LDAH: variants seen among roughly 807,000 people sequenced by gnomAD.
The protein encoded by LDAH is lipid droplet-associated hydrolase.
In LDAH, 26 loss-of-function variants were observed where a neutral mutation model predicts 29.6. The observed-to-expected ratio is 0.88, with a 90% CI of 0.64 to 1.22. LDAH has a LOEUF of 1.22. LDAH is among the 50% of genes most tolerant of loss of function. The probability of loss-of-function intolerance (pLI) is 0.00; values close to 1 mark genes in which losing one functional copy is unlikely to be tolerated. For missense variants in LDAH, 344 were observed against 387.3 expected (o/e 0.89, Z 0.94); for synonymous variants, 117 against 133.0 (o/e 0.88, Z 0.83).
chr2:20,707,989 TC>T (rs1664436339), intron 5 of LDAH, among the ~76,000 whole-genome samples: 1 of 152,180 alleles, frequency 6.6e-6, no homozygotes, highest in Non-Finnish European at 1.5e-5. Flanking sequence ...CTTATGATAA[TC>T]TAATGCCTGA....
rs1039978830 is a variant in LDAH at position 20,807,139 on chromosome 2, A to T, written c.-2-5674T>A. On this transcript the variant is annotated intron_variant, in intron 1 of 6. Transcript: ENST00000237822. ...AAAAATAATAAACAAATATGAAGAA[A>T]TGTATGCCAATAAACTTGACATGGG... Among the ~76,000 whole-genome samples, 3 of 152,082 alleles carry T rather than the reference A, an allele frequency of 2.0e-5. No homozygotes were observed. In the East Asian group the frequency reaches 5.8e-4, roughly 29 times the overall value.
intron 5 of LDAH, among the ~76,000 whole-genome samples, chr2:20,737,993 C>A (rs1666911409): frequency 6.6e-6 from 1 of 152,004 alleles, no homozygotes; most frequent in African/African-American, 2.4e-5. Flanking sequence ...GTGGCGCATG[C>A]CTGTAATCCC....
At chr2:20,743,311 CT>C (rs56001378) in intron 4 of LDAH, among the ~76,000 whole-genome samples, 10,300 of 135,960 alleles carry the variant, frequency 0.076, 379 homozygotes, top group East Asian at 0.14. Flanking sequence ...TCCAAGTCCA[CT>C]TTTTTTTTTT....
chr2:20,794,066 G>A (rs1483188751), intron 2 of LDAH, among the ~76,000 whole-genome samples: 1 of 147,182 alleles, frequency 6.8e-6, no homozygotes, highest in African/African-American at 2.7e-5. Flanking sequence ...AGGTTTCATG[G>A]ACTCACAGTT....
intron 5 of LDAH, among the ~76,000 whole-genome samples, chr2:20,714,142 C>A (rs748817951): frequency 6.6e-6 from 1 of 152,194 alleles, no homozygotes; most frequent in South Asian, 2.1e-4. Flanking sequence ...TAAAGCACTC[C>A]TCAGCAAATG....
At chr2:20,748,507 C>T (rs914510309) in intron 4 of LDAH, among the ~76,000 whole-genome samples, 1 of 152,184 alleles carries the variant, frequency 6.6e-6, no homozygotes, top group Admixed American at 6.5e-5. Context: ...CTGTTCTCCT[C>T]AGCTTGAAAT....
At chr2:20,705,027 T>C (rs1664207051) in intron 5 of LDAH, among the ~76,000 whole-genome samples, 1 of 152,240 alleles carries the variant, frequency 6.6e-6, no homozygotes, top group Admixed American at 6.5e-5. Flanking sequence ...TTATGGATTC[T>C]GTTCATGACT....
chr2:20,684,959 T>C lies in LDAH; in HGVS notation c.*1944A>G, dbSNP rs1486798505. Reference sequence around the variant, plus strand: ...AGCAATGAGAAAGGTGGCTTTTCACTTTAAAAGAGAGACTTTGAGCCGAGT... The same window carrying C: ...AGCAATGAGAAAGGTGGCTTTTCACCTTAAAAGAGAGACTTTGAGCCGAGT... On this transcript the variant is annotated 3_prime_UTR_variant, in exon 7 of 7. Transcript: ENST00000237822. 1 of 1,548,616 alleles carries C rather than the reference T, an allele frequency of 6.5e-7. No individual in the cohort carries two copies. Among genetic ancestry groups the C allele is most frequent in the South Asian group, 1.2e-5 (1 of 83,464 alleles).
chr2:20,720,916 A>T (rs552504316), intron 5 of LDAH, among the ~76,000 whole-genome samples: 2 of 152,176 alleles, frequency 1.3e-5, no homozygotes, highest in Non-Finnish European at 2.9e-5. Flanking sequence ...CATTATTGAA[A>T]CTAGATATCC....
Position 20,684,774 on chromosome 2 carries a change from A to G in LDAH, c.*2129T>C. 1 of 1,304,762 alleles carries G rather than the reference A, an allele frequency of 7.7e-7. No individual in the cohort carries two copies. Among genetic ancestry groups the G allele is most frequent in the East Asian group, 2.6e-5 (1 of 38,604 alleles). 80.8% of individuals were successfully genotyped at this position (1,304,762 alleles called of 1,614,324 possible). On this transcript the variant is annotated 3_prime_UTR_variant, in exon 7 of 7. Transcript: ENST00000237822. ...CACTCGGTAACTCTGCAGGAAGTTAAAACTTTCACAAAGACCATCCATGTG... is the reference window on the plus strand; with the variant it reads ...CACTCGGTAACTCTGCAGGAAGTTAGAACTTTCACAAAGACCATCCATGTG...
chr2:20,742,946 A>G (rs1667298596), intron 4 of LDAH, among the ~76,000 whole-genome samples: 1 of 151,470 alleles, frequency 6.6e-6, no homozygotes, highest in African/African-American at 2.4e-5. Context: ...TTTTTTGTAG[A>G]GATGGTCTGT....
rs185162092 is a variant in LDAH, at chr2:20,688,560, G to A, written c.787-1466C>T. Among the ~76,000 whole-genome samples the A allele has an allele frequency of 3.1e-3, 468 of 152,322 alleles. 3 individuals are homozygous for A. The highest frequency in any genetic ancestry group is 4.9e-3 in the Non-Finnish European group (332 of 68,038). ...TGGAGGTGATCAAGTGCTGGGGGAGGAGAGTGCAGGGAAGCAGGCGTTATT... is the reference window on the plus strand; with the variant it reads ...TGGAGGTGATCAAGTGCTGGGGGAGAAGAGTGCAGGGAAGCAGGCGTTATT... On this transcript the variant is annotated intron_variant, in intron 6 of 6. Transcript: ENST00000237822.
At chr2:20,780,937 A>AAAG (rs533930902) in intron 3 of LDAH, among the ~76,000 whole-genome samples, 286 of 152,254 alleles carry the variant, frequency 1.9e-3, no homozygotes, top group African/African-American at 6.7e-3. Context: ...CTGGCAAGAG[A>AAAG]AAGCTCCACT....
At chr2:20,808,982 G>C (rs1672283138) in intron 1 of LDAH, among the ~76,000 whole-genome samples, 1 of 152,102 alleles carries the variant, frequency 6.6e-6, no homozygotes, top group African/African-American at 2.4e-5. Context: ...GTATATTATA[G>C]ATCTAAATGT....
chr2:20,795,318 A>AT (rs1671232431), intron 2 of LDAH, among the ~76,000 whole-genome samples: 1 of 152,188 alleles, frequency 6.6e-6, no homozygotes, highest in Admixed American at 6.5e-5. Flanking sequence ...AAACTGCCAC[A>AT]TATCAAGTTA....
At chr2:20,767,709 G>A (rs1036058573) in intron 4 of LDAH, among the ~76,000 whole-genome samples, 3 of 152,220 alleles carry the variant, frequency 2.0e-5, no homozygotes, top group African/African-American at 7.2e-5. Flanking sequence ...GACCAGAGTA[G>A]GGGACTTGTG....
intron 5 of LDAH, among the ~76,000 whole-genome samples, chr2:20,706,451 A>G (rs1664307878): frequency 1.3e-5 from 2 of 152,152 alleles, no homozygotes; most frequent in Non-Finnish European, 2.9e-5. Context: ...GTCTACTTGA[A>G]GTCTTCCCAC....
chr2:20,776,210 T>C (rs947447973), intron 3 of LDAH, among the ~76,000 whole-genome samples: 3 of 152,146 alleles, frequency 2.0e-5, no homozygotes, highest in Admixed American at 6.6e-5. Flanking sequence ...AAACTACTCT[T>C]CTGTTTTGTT....
intron 1 of LDAH, among the ~76,000 whole-genome samples, chr2:20,810,899 G>A (rs773997777): frequency 1.7e-4 from 26 of 152,118 alleles, no homozygotes; most frequent in Non-Finnish European, 1.5e-4. Flanking sequence ...AGAAACTAAC[G>A]CCCAGTGATC....
Sources: allele counts gnomAD v4.1 joint callset (sites outside exome capture counted in the v4.1 genomes callset), GRCh38; gene constraint gnomAD v4.1.1; transcripts MANE v1.5; gene names NCBI Gene and HGNC (gene_info 2026-07-23, HGNC 2026-07-21).